Variants in AFF3 observed in about 807,000 individuals in gnomAD.
The protein encoded by AFF3 is ALF transcription elongation factor 3, also known as AF4/FMR2 family member 3.
AFF3 carries 32 observed loss-of-function variants against 129.7 expected under a neutral mutation model. The ratio of observed to expected loss-of-function variants is 0.25; its 90% CI spans 0.19 to 0.33. The LOEUF is 0.33. AFF3 is among the 10% of genes least tolerant of loss of function. The probability of loss-of-function intolerance (pLI) is 1.00; values close to 1 mark genes in which losing one functional copy is unlikely to be tolerated. For missense variants in AFF3, 1,373 were observed against 1,592.0 expected (o/e 0.86, Z 2.34); for synonymous variants, 644 against 635.4 (o/e 1.01, Z -0.20).
chr2:100,002,999 T>C (rs1681571120), intron 7 of AFF3, among the ~76,000 whole-genome samples: 1 of 151,610 alleles, frequency 6.6e-6, no homozygotes, highest in African/African-American at 2.4e-5. Context: ...AAATCCAAAA[T>C]GATCATCTTA....
chr2:99,840,326 T>C (rs1377796260), intron 7 of AFF3, among the ~76,000 whole-genome samples: 5 of 152,216 alleles, frequency 3.3e-5, no homozygotes, highest in Non-Finnish European at 7.3e-5. Flanking sequence ...GTATAGGTCT[T>C]TGATACAATC....
At chr2:99,577,511 A>T (rs1385399102) in intron 18 of AFF3, among the ~76,000 whole-genome samples, 2 of 152,188 alleles carry the variant, frequency 1.3e-5, no homozygotes, top group Non-Finnish European at 2.9e-5. Flanking sequence ...CTGGACTGGA[A>T]GCCCTCAGAG....
At chr2:100,033,669 C>T (rs1437106679) in intron 4 of AFF3, among the ~76,000 whole-genome samples, 2 of 152,040 alleles carry the variant, frequency 1.3e-5, no homozygotes, top group South Asian at 2.1e-4. Context: ...ATTTGCAAAA[C>T]GGTCTATGTT....
At chr2:99,658,299 G>C (rs1327309408) in intron 12 of AFF3, among the ~76,000 whole-genome samples, 1 of 152,182 alleles carries the variant, frequency 6.6e-6, no homozygotes, top group African/African-American at 2.4e-5. Context: ...CCTGGAGGAG[G>C]GCTGGGGGAC....
At chr2:99,641,038 C>T (rs2105494653) in intron 13 of AFF3, among the ~76,000 whole-genome samples, 1 of 152,310 alleles carries the variant, frequency 6.6e-6, no homozygotes, top group Admixed American at 6.5e-5. Context: ...GAGGGGAGGC[C>T]TGCCACTCCC....
At chr2:100,123,594 A>G (rs933440610) in intron 2 of AFF3, among the ~76,000 whole-genome samples, 2 of 152,190 alleles carry the variant, frequency 1.3e-5, no homozygotes, top group Admixed American at 6.5e-5. Flanking sequence ...TGTATTTGTA[A>G]AACGGCATCG....
chr2:99,670,508 A>T (rs1687056135), intron 12 of AFF3, among the ~76,000 whole-genome samples: 1 of 148,046 alleles, frequency 6.8e-6, no homozygotes, highest in South Asian at 2.2e-4. Context: ...CAATTATCTC[A>T]GAATGCCAGG....
intron 8 of AFF3, among the ~76,000 whole-genome samples, chr2:99,836,710 G>GTT (rs554422329): frequency 1.8e-4 from 26 of 143,212 alleles, no homozygotes; most frequent in African/African-American, 5.4e-4. Flanking sequence ...AAAATAAAGT[G>GTT]TTTTTTTTTT....
intron 1 of AFF3, among the ~76,000 whole-genome samples, chr2:100,134,426 G>A (rs1483537428): frequency 6.6e-6 from 1 of 152,140 alleles, no homozygotes; most frequent in Non-Finnish European, 1.5e-5. Flanking sequence ...ATGAAGGATA[G>A]TAAGCTGTCA....
intron 1 of AFF3, among the ~76,000 whole-genome samples, chr2:100,139,472 A>G (rs936983193): frequency 8.5e-5 from 13 of 152,166 alleles, no homozygotes; most frequent in Non-Finnish European, 1.6e-4. Flanking sequence ...CAATAAATCA[A>G]ATTGTCGTGT....
At chr2:99,718,791 G>C (rs1232646961) in intron 11 of AFF3, among the ~76,000 whole-genome samples, 2 of 151,040 alleles carry the variant, frequency 1.3e-5, no homozygotes, top group South Asian at 4.2e-4. Context: ...CACTCTGTTG[G>C]CCAGGCTGGA....
intron 18 of AFF3, among the ~76,000 whole-genome samples, chr2:99,571,559 C>T (rs936640891): frequency 1.3e-5 from 2 of 152,220 alleles, no homozygotes; most frequent in Non-Finnish European, 2.9e-5. Flanking sequence ...AGTAACACAC[C>T]TAATTTTCTG....
intron 8 of AFF3, among the ~76,000 whole-genome samples, chr2:99,824,655 T>C (rs184610200): frequency 1.7e-3 from 262 of 152,304 alleles, no homozygotes; most frequent in South Asian, 9.5e-3. Context: ...AAATAAAATA[T>C]ATCAGCTAGT....
intron 4 of AFF3, among the ~76,000 whole-genome samples, chr2:100,051,440 A>G (rs957274048): frequency 6.6e-6 from 1 of 152,188 alleles, no homozygotes; most frequent in Admixed American, 6.5e-5. Context: ...TGCTCTTGCA[A>G]TGTTCTGAGG....
At chr2:99,681,218 C>G (rs1455651105) in intron 11 of AFF3, among the ~76,000 whole-genome samples, 1 of 152,170 alleles carries the variant, frequency 6.6e-6, no homozygotes, top group Non-Finnish European at 1.5e-5. Context: ...CACCTTGGAT[C>G]AAGTCCCATA....
chr2:99,938,100 C>G (rs577852589), intron 7 of AFF3, among the ~76,000 whole-genome samples: 3 of 152,292 alleles, frequency 2.0e-5, no homozygotes, highest in Admixed American at 2.0e-4. Context: ...TCTTTAGATA[C>G]TTTTCAAGAT....
In AFF3 at chr2:99,993,199, C is replaced by A. The variant is rs1680515491; in HGVS notation, c.873+13433G>T. Among the ~76,000 whole-genome samples, 4 of 152,220 alleles carry A rather than the reference C, an allele frequency of 2.6e-5. No individual in the cohort carries two copies. The South Asian group carries it at 8.3e-4, about 31-fold the overall frequency. Reference sequence around the variant, plus strand: ...TATTTAAGCCACTGTTATTTGGAATCTATCCCATGAAACAGCCCCATGCTC... The same window carrying A: ...TATTTAAGCCACTGTTATTTGGAATATATCCCATGAAACAGCCCCATGCTC... On this transcript the variant is annotated intron_variant, in intron 7 of 24. Transcript: ENST00000672756.
chr2:100,120,760 A>C (rs1691930824), intron 2 of AFF3, among the ~76,000 whole-genome samples: 1 of 152,120 alleles, frequency 6.6e-6, no homozygotes, highest in Non-Finnish European at 1.5e-5. Flanking sequence ...TCTTGGGCTC[A>C]AGCGATCCTC....
chr2:99,660,334 T>C (rs997475719), intron 12 of AFF3, among the ~76,000 whole-genome samples: 2 of 152,276 alleles, frequency 1.3e-5, no homozygotes, highest in Non-Finnish European at 2.9e-5. Flanking sequence ...AACTTAAATC[T>C]AAGTCTGGCT....
Sources: allele counts gnomAD v4.1 joint callset (sites outside exome capture counted in the v4.1 genomes callset), GRCh38; gene constraint gnomAD v4.1.1; transcripts MANE v1.5; gene names NCBI Gene and HGNC (gene_info 2026-07-23, HGNC 2026-07-21).